RIPK1: variants seen among roughly 807,000 people sequenced by gnomAD.
RIPK1 encodes the protein receptor interacting serine/threonine kinase 1.
In RIPK1, 27 loss-of-function variants were observed where a neutral mutation model predicts 62.4. The observed-to-expected ratio is 0.43, with a 90% confidence interval of 0.32 to 0.60. The LOEUF (loss-of-function observed/expected upper bound fraction) is 0.60. RIPK1 is among the 20% of genes least tolerant of loss of function. The pLI is 0.07. For synonymous variants in RIPK1, 287 were observed against 303.2 expected (o/e 0.95, Z 0.55); for missense variants, 735 against 831.0 (o/e 0.88, Z 1.42).
chr6:3,078,598 T>C (rs1231237325), intron 3 of RIPK1, among the ~76,000 whole-genome samples: 1 of 152,230 alleles, frequency 6.6e-6, no homozygotes, highest in Non-Finnish European at 1.5e-5. Context: ...ACATTAAATA[T>C]GGATTAATGA....
intron 5 of RIPK1, among the ~76,000 whole-genome samples, chr6:3,084,006 G>T (rs1327907721): frequency 2.0e-5 from 3 of 152,080 alleles, no homozygotes; most frequent in Non-Finnish European, 2.9e-5. Flanking sequence ...TGCCCAATAA[G>T]AAACTTCAGA....
At chr6:3,080,653 G>C (rs1051773241) in intron 3 of RIPK1, among the ~76,000 whole-genome samples, 11 of 152,002 alleles carry the variant, frequency 7.2e-5, no homozygotes, top group African/African-American at 2.4e-4. Context: ...AAGCATTCCA[G>C]GTACAATCCT....
chr6:3,089,146 C>G (rs557544157), intron 6 of RIPK1, among the ~76,000 whole-genome samples: 4 of 152,176 alleles, frequency 2.6e-5, no homozygotes, highest in African/African-American at 9.7e-5. Context: ...CTTCCTGGAA[C>G]TGGAAGTTTC....
At chr6:3,076,736 T>G in intron 1 of RIPK1, 28 bp from the exon 2 acceptor site, 1 of 1,024,994 alleles carries the variant, frequency 9.8e-7, no homozygotes, top group Non-Finnish European at 1.4e-6. Context: ...AGTCTTGCCC[T>G]GAGGTTTTCT....
intron 3 of RIPK1, among the ~76,000 whole-genome samples, chr6:3,080,594 A>G (rs1288058845): frequency 1.3e-5 from 2 of 152,186 alleles, no homozygotes; most frequent in Admixed American, 1.3e-4. Flanking sequence ...TCGTGTGAGT[A>G]TCCCACAGAA....
rs760650079 is a variant in RIPK1, at chr6:3,077,945, GC to G, written c.321+14del. ...CGTGCTGAAAGCCGAGGTAGAGAGG[GC>G]CCCTCCGCACGGGGATCCCCAGCGC... is the stretch of plus-strand genomic sequence containing the variant. On this transcript the variant is annotated intron_variant, in intron 3 of 10. Coordinates refer to ENST00000259808, the MANE Select transcript of RIPK1 (RefSeq NM_001354930.2). The G allele has an allele frequency of 1.7e-5, 27 of 1,613,156 alleles. No individual in the cohort carries two copies. Among genetic ancestry groups the G allele is most frequent in the African/African-American group, 2.7e-5 (2 of 74,930 alleles).
At chr6:3,080,805 C>G (rs971397596) in intron 3 of RIPK1, among the ~76,000 whole-genome samples, 174 bp from the exon 4 acceptor site, 2 of 151,576 alleles carry the variant, frequency 1.3e-5, no homozygotes, top group Non-Finnish European at 2.9e-5. Context: ...CTCTGCCCCC[C>G]CCCGAATGAA....
At chr6:3,088,366 G>C (rs1581406178) in intron 6 of RIPK1, among the ~76,000 whole-genome samples, 1 of 152,166 alleles carries the variant, frequency 6.6e-6, no homozygotes, top group East Asian at 1.9e-4. Context: ...ATTACTACTG[G>C]ACAATGTTAA....
rs745680359 is a variant in RIPK1, at chr6:3,085,330, G to C, written c.760G>C (p.Glu254Gln). 10 of 1,614,204 alleles carry C rather than the reference G, an allele frequency of 6.2e-6. No individual in the cohort carries two copies. In the Admixed American group the frequency reaches 1.7e-4, roughly 27 times the overall value. Residue 254 changes from glutamate to glutamine, a missense_variant, in exon 6 of 11, where the codon GAG (glutamate) becomes CAG (glutamine). Glu to Gln is a conservative substitution (Grantham distance 29, BLOSUM62 2). Transcript: ENST00000259808. Reference protein sequence around the residue: ...GNRPDVDDITEYCPREIISLM... With the variant: ...GNRPDVDDITQYCPREIISLM... The stretch of plus-strand genomic sequence containing the variant: ...CAGGCCAGATGTGGATGACATCACT[G>C]AGTACTGCCCAAGAGAAATTATCAG...
intron 3 of RIPK1, 66 bp downstream of exon 3, chr6:3,078,001 C>A: frequency 6.6e-7 from 1 of 1,516,922 alleles, no homozygotes; most frequent in South Asian, 1.2e-5. Flanking sequence ...TATGGCTCCC[C>A]TTGGGGTGTT....
At chr6:3,087,380 T>C (rs907142459) in intron 6 of RIPK1, among the ~76,000 whole-genome samples, 1 of 152,098 alleles carries the variant, frequency 6.6e-6, no homozygotes, top group African/African-American at 2.4e-5. Flanking sequence ...TCTTTGGTTA[T>C]GGTTATAGTC....
chr6:3,078,393 C>T (rs1759203745), intron 3 of RIPK1, among the ~76,000 whole-genome samples: 1 of 152,190 alleles, frequency 6.6e-6, no homozygotes, highest in African/African-American at 2.4e-5. Flanking sequence ...AGAAAATCTT[C>T]CTTGCCTTTT....
chr6:3,107,677 G>A (rs1222845582), intron 9 of RIPK1, among the ~76,000 whole-genome samples: 3 of 151,882 alleles, frequency 2.0e-5, no homozygotes, highest in Non-Finnish European at 4.4e-5. Context: ...CCCTCACACA[G>A]TTTAAATCCT....
In RIPK1 at chr6:3,078,523, C is replaced by G. The variant is rs138737029; in HGVS notation, c.321+588C>G. On this transcript the variant is annotated intron_variant, in intron 3 of 10. Transcript: ENST00000259808. ...GTCCGCTGCTCTGCAATCTACAGTTCAGAGACAAGCCCTGTCTTCATGATG... is the reference window on the plus strand; with the variant it reads ...GTCCGCTGCTCTGCAATCTACAGTTGAGAGACAAGCCCTGTCTTCATGATG... 1.4e-4 allele frequency among the ~76,000 whole-genome samples: 21 copies of G among 152,296 alleles called. No individual in the cohort carries two copies. In the East Asian group the frequency reaches 3.9e-3, roughly 28 times the overall value.
At chr6:3,085,624 T>C (rs889277265) in intron 6 of RIPK1, among the ~76,000 whole-genome samples, 3 of 152,238 alleles carry the variant, frequency 2.0e-5, no homozygotes, top group Admixed American at 2.0e-4. Context: ...GTTTCCTTTT[T>C]TTGTAATTAA....
rs1760729860 is a variant in RIPK1 at position 3,104,398 on chromosome 6, C to T, written c.1006+83C>T. The T allele has an allele frequency of 1.7e-5, 12 of 723,616 alleles. No homozygotes were observed. The East Asian group carries it at 3.0e-4, about 18-fold the overall frequency. The allele number at this position is 723,616 out of a possible 1,614,324, so 44.8% of individuals were successfully genotyped here. A position where few individuals can be genotyped will look rare whatever the true frequency, so the allele number is the denominator to read the frequency against. On this transcript the variant is annotated intron_variant, in intron 8 of 10. Coordinates refer to ENST00000259808, the MANE Select transcript of RIPK1 (RefSeq NM_001354930.2). Reference sequence around the variant, plus strand: ...CACTCTCTAAAAGACTATTCAGGACCATATGGGAAACAGAAGAAACTATAA... The same window carrying T: ...CACTCTCTAAAAGACTATTCAGGACTATATGGGAAACAGAAGAAACTATAA...
rs754028018 is a variant in RIPK1 at position 3,115,098 on chromosome 6, T to TA, written c.*1760dup. The TA allele has an allele frequency of 6.6e-6, 1 of 152,110 alleles. No individual in the cohort carries two copies. The highest frequency in any genetic ancestry group is 6.6e-5 in the Admixed American group (1 of 15,264). 9.4% of individuals were successfully genotyped at this position (152,110 alleles called of 1,614,324 possible). ...ATCCAAATGGTGTTATCAAATCTCT[T>TA]AGATTCCAAAGAGGTTGAATAATTA... On this transcript the variant is annotated 3_prime_UTR_variant, in exon 11 of 11. Coordinates refer to ENST00000259808, the MANE Select transcript of RIPK1 (RefSeq NM_001354930.2).
rs17548594 is a variant in RIPK1, at chr6:3,110,416, C to G, written c.1577-387C>G. Among the ~76,000 whole-genome samples, 895 of 151,974 alleles carry G rather than the reference C, an allele frequency of 5.9e-3. 9 individuals carry two copies. The highest frequency in any genetic ancestry group is 0.021 in the African/African-American group (865 of 41,414). On this transcript the variant is annotated intron_variant, in intron 9 of 10. Coordinates refer to ENST00000259808, the MANE Select transcript of RIPK1 (RefSeq NM_001354930.2). ...TAGAGAAGGGGTTTCACCATGTTGG[C>G]CAGGCTGGTCTTGAACTCCTGACCT...
intron 7 of RIPK1, among the ~76,000 whole-genome samples, chr6:3,098,975 G>A (rs1212501686): frequency 6.6e-6 from 1 of 152,180 alleles, no homozygotes; most frequent in Non-Finnish European, 1.5e-5. Flanking sequence ...CTGGGGCAAA[G>A]GAGTTCACAG....
Sources: gnomAD v4.1 joint callset for allele counts (sites outside exome capture counted in the v4.1 genomes callset) on GRCh38, gnomAD v4.1.1 for gene constraint, MANE v1.5 for transcripts, NCBI Gene and HGNC (gene_info 2026-07-23, HGNC 2026-07-21) for gene names.